VDAC2: variants seen among roughly 807,000 people sequenced by gnomAD.
The protein encoded by VDAC2 is non-selective voltage-gated ion channel VDAC2.
Under a neutral mutation model 36.6 loss-of-function variants are expected in VDAC2, and 6 were observed. That is an observed-to-expected ratio of 0.16 (90% CI 0.09 to 0.32). The LOEUF (loss-of-function observed/expected upper bound fraction) is 0.32, where lower values mean the gene tolerates loss of function less well. Among genes scored for constraint, VDAC2 ranks in the 10% least tolerant of loss-of-function variants. The probability of loss-of-function intolerance (pLI) is 1.00; values close to 1 mark genes in which losing one functional copy is unlikely to be tolerated. For missense variants in VDAC2, 247 were observed against 346.0 expected (o/e 0.71, Z 2.27); for synonymous variants, 109 against 123.8 (o/e 0.88, Z 0.79).
chr10:75,219,469 A>G (rs1841733502), intron 6 of VDAC2, 113 bp downstream of exon 6: 6 of 848,322 alleles, frequency 7.1e-6, no homozygotes, highest in Non-Finnish European at 5.4e-6. Context: ...TGTGGTGGTG[A>G]AATCTCTGTA....
chr10:75,211,785 G>A, intron 2 of VDAC2: 1 of 1,236,360 alleles, frequency 8.1e-7, no homozygotes, highest in Non-Finnish European at 1.1e-6. Flanking sequence ...ACTCCAGGGT[G>A]TTGGTTTTCC....
intron 4 of VDAC2, chr10:75,217,870 A>G (rs972939765): frequency 8.0e-7 from 1 of 1,248,420 alleles, no homozygotes; most frequent in Admixed American, 2.5e-5. Flanking sequence ...ACAATTTTTG[A>G]TATTTCTCAC....
chr10:75,213,538 A>G (rs1841496269), intron 3 of VDAC2, among the ~76,000 whole-genome samples: 1 of 152,070 alleles, frequency 6.6e-6, no homozygotes. Context: ...AGGTCAGGAG[A>G]TCGAGACCAT....
At chr10:75,223,500 T>C (rs12249405) in intron 8 of VDAC2, among the ~76,000 whole-genome samples, 42,272 of 152,008 alleles carry the variant, frequency 0.28, 8,891 homozygotes, top group African/African-American at 0.59. Flanking sequence ...AGTTTGGAAA[T>C]GTACCTAGCC....
intron 3 of VDAC2, among the ~76,000 whole-genome samples, chr10:75,212,723 A>C (rs763023691): frequency 5.3e-5 from 8 of 152,212 alleles, no homozygotes; most frequent in African/African-American, 9.7e-5. Flanking sequence ...TTAGAAACTT[A>C]AGATACTTAG....
intron 4 of VDAC2, among the ~76,000 whole-genome samples, chr10:75,215,342 T>G (rs537788000): frequency 9.4e-4 from 142 of 151,576 alleles, no homozygotes; most frequent in African/African-American, 2.1e-3. Flanking sequence ...TGTATATATA[T>G]AGAGAGAGAG....
intron 2 of VDAC2, chr10:75,211,497 T>C (rs1352773444): frequency 6.5e-7 from 1 of 1,534,170 alleles, no homozygotes; most frequent in African/African-American, 1.4e-5. Context: ...GATCAATCAC[T>C]TTTCTAGAGG....
intron 4 of VDAC2, among the ~76,000 whole-genome samples, chr10:75,215,631 C>T (rs1357292295): frequency 1.3e-5 from 2 of 152,014 alleles, no homozygotes; most frequent in Admixed American, 6.6e-5. Flanking sequence ...GGATTACAGG[C>T]GTGAGCCACC....
intron 3 of VDAC2, among the ~76,000 whole-genome samples, chr10:75,213,744 AAAATAAAT>A (rs375298465): frequency 6.6e-6 from 1 of 151,676 alleles, no homozygotes; most frequent in African/African-American, 2.4e-5. Flanking sequence ...ACTCCGTCTC[AAAATAAAT>A]AAATAAATAA....
At chr10:75,213,119 C>T (rs1564708971) in intron 3 of VDAC2, among the ~76,000 whole-genome samples, 1 of 152,102 alleles carries the variant, frequency 6.6e-6, no homozygotes, top group Non-Finnish European at 1.5e-5. Context: ...CGCTCTGTTG[C>T]CCAGGCTGGA....
intron 8 of VDAC2, among the ~76,000 whole-genome samples, chr10:75,226,360 G>T (rs575210337): frequency 6.6e-6 from 1 of 151,440 alleles, no homozygotes; most frequent in Non-Finnish European, 1.5e-5. Flanking sequence ...GACTAGAGCC[G>T]TAAGAGTGTA....
chr10:75,211,417 G>A, intron 2 of VDAC2: 1 of 1,458,904 alleles, frequency 6.9e-7, no homozygotes, highest in Non-Finnish European at 9.1e-7. Flanking sequence ...GGACTTTTCA[G>A]CCTTTGTACA....
At chr10:75,221,775 G>T (rs1321697166) in intron 7 of VDAC2, among the ~76,000 whole-genome samples, 1 of 152,082 alleles carries the variant, frequency 6.6e-6, no homozygotes. Flanking sequence ...CATCCAGCCT[G>T]GTGTTTTTAC....
At chr10:75,217,898 TTCTGGCTGTAGTC>T in intron 4 of VDAC2, 5 of 1,285,712 alleles carry the variant, frequency 3.9e-6, no homozygotes, top group Non-Finnish European at 5.1e-6. Flanking sequence ...ATATCACAAT[TTCTGGCTGTAGTC>T]TCTTTATTAT....
chr10:75,211,024 C>T (rs1407217663), intron 1 of VDAC2, 86 bp downstream of exon 1: 3 of 1,092,768 alleles, frequency 2.7e-6, no homozygotes, highest in African/African-American at 1.7e-5. Context: ...GGAGTCGGCC[C>T]TGGCTTCCTA....
At chr10:75,220,298 G>A (rs1364181373) in intron 6 of VDAC2, among the ~76,000 whole-genome samples, 1 of 151,160 alleles carries the variant, frequency 6.6e-6, no homozygotes, top group Admixed American at 6.6e-5. Context: ...TAGTAGAGAC[G>A]GGATTTCACC....
Position 75,219,271 on chromosome 10 carries a change from AAAAG to A in VDAC2, c.304-29_304-26del, listed in dbSNP as rs748235733. The A allele has an allele frequency of 7.7e-6, 12 of 1,566,876 alleles. No individual in the cohort carries two copies. In the Admixed American group the frequency reaches 1.7e-4, roughly 22 times the overall value. ...TATTAATTTATTTTTGTATTTCAAA[AAAAG>A]AAAACAAATTACTTTTCTTTCAAAA... On this transcript the variant is annotated intron_variant, in intron 5 of 9. Coordinates refer to ENST00000332211, the MANE Select transcript of VDAC2 (RefSeq NM_001391963.1).
intron 2 of VDAC2, among the ~76,000 whole-genome samples, chr10:75,211,960 G>A (rs564801965): frequency 6.6e-6 from 1 of 152,322 alleles, no homozygotes; most frequent in South Asian, 2.1e-4. Flanking sequence ...CCAGTCCTAG[G>A]AAGTGAGGCT....
chr10:75,218,845 T>C (rs1448547290), intron 4 of VDAC2, among the ~76,000 whole-genome samples: 1 of 152,162 alleles, frequency 6.6e-6, no homozygotes, highest in Non-Finnish European at 1.5e-5. Flanking sequence ...CAGCTGTGTA[T>C]GTAAAGTGGC....
Sources: gnomAD v4.1 joint callset for allele counts (sites outside exome capture counted in the v4.1 genomes callset) on GRCh38, gnomAD v4.1.1 for gene constraint, MANE v1.5 for transcripts, NCBI Gene and HGNC (gene_info 2026-07-23, HGNC 2026-07-21) for gene names.